The following ATP2C2 variants were observed in gnomAD, a reference collection of about 807,000 sequenced individuals.
ATP2C2 encodes ATPase secretory pathway Ca2+ transporting 2, also known as calcium-transporting ATPase type 2C member 2.
In ATP2C2, 171 loss-of-function variants were observed where a neutral mutation model predicts 110.8. The ratio of observed to expected loss-of-function variants is 1.54; its 90% CI spans 1.36 to 1.75. ATP2C2 has a LOEUF of 1.75. Among genes scored for constraint, ATP2C2 ranks in the 40% most tolerant of loss-of-function variants. The pLI is 0.00. For synonymous variants in ATP2C2, 804 were observed against 508.4 expected (o/e 1.58, Z -7.82); for missense variants, 1,963 against 1,235.0 (o/e 1.59, Z -8.84).
chr16:84,461,613 C>T (rs559412449), intron 24 of ATP2C2, 101 bp from the exon 25 acceptor site: 2 of 1,069,336 alleles, frequency 1.9e-6, no homozygotes, highest in South Asian at 1.3e-5. Context: ...AAGTGGCTCC[C>T]AGCCATGCCC....
chr16:84,400,825 T>A (rs112841612), intron 2 of ATP2C2, among the ~76,000 whole-genome samples: 125 of 152,364 alleles, frequency 8.2e-4, no homozygotes, highest in Middle Eastern at 3.4e-3. Context: ...TCACAGATGG[T>A]GAGCACCTTT....
At chr16:84,463,530 G>A in intron 26 of ATP2C2, 84 bp from the exon 27 acceptor site, 2 of 1,147,330 alleles carry the variant, frequency 1.7e-6, no homozygotes, top group Non-Finnish European at 1.3e-6. Context: ...CACTTTATCA[G>A]GAGGACTGGC....
At chr16:84,437,955 C>A (rs977886958) in intron 11 of ATP2C2, among the ~76,000 whole-genome samples, 3 of 151,236 alleles carry the variant, frequency 2.0e-5, no homozygotes, top group Non-Finnish European at 4.4e-5. Flanking sequence ...CTGAACATCC[C>A]TTATGAATGG....
At position 84,379,826 on chromosome 16, in the gene ATP2C2, C is replaced by G. The variant is rs1409845837; in HGVS notation, c.99+11112C>G. Among the ~76,000 whole-genome samples the G allele has an allele frequency of 2.0e-5, 3 of 152,152 alleles. No individual in the cohort carries two copies. The South Asian group carries it at 6.2e-4, about 32-fold the overall frequency. ...AAGGAAGATGTCTATCAAATAATTC[C>G]TCCAGTGAGTATATAATTACACACT... On this transcript the variant is annotated intron_variant, in intron 1 of 26. Transcript: ENST00000262429.
At chr16:84,404,789 C>G (rs914744703) in intron 2 of ATP2C2, 6 of 360,836 alleles carry the variant, frequency 1.7e-5, no homozygotes, top group Non-Finnish European at 3.2e-5. Context: ...AACAGCTGCA[C>G]CATTTTACAT....
chr16:84,387,027 C>T (rs1021328896), intron 1 of ATP2C2, among the ~76,000 whole-genome samples: 4 of 152,184 alleles, frequency 2.6e-5, no homozygotes, highest in Non-Finnish European at 5.9e-5. Context: ...TGTCGCCACT[C>T]ACCTGTGGGC....
chr16:84,450,284 A>G (rs750091940), intron 17 of ATP2C2, among the ~76,000 whole-genome samples: 10 of 152,142 alleles, frequency 6.6e-5, no homozygotes, highest in Non-Finnish European at 1.5e-4. Flanking sequence ...CTGGGATGTT[A>G]TTCCTCAGCA....
chr16:84,417,083 C>G (rs962025371), intron 7 of ATP2C2, among the ~76,000 whole-genome samples: 1 of 152,194 alleles, frequency 6.6e-6, no homozygotes, highest in Non-Finnish European at 1.5e-5. Context: ...TCATTCAAAG[C>G]CTTGTGAACC....
chr16:84,455,479 C>T (rs1418992307), intron 21 of ATP2C2, among the ~76,000 whole-genome samples: 2 of 152,200 alleles, frequency 1.3e-5, no homozygotes, highest in Admixed American at 6.5e-5. Context: ...TCGCTGACCA[C>T]GGAGGTGCTC....
chr16:84,442,471 C>G (rs763682888), intron 14 of ATP2C2, 39 bp from the exon 15 acceptor site: 2 of 1,599,884 alleles, frequency 1.3e-6, no homozygotes, highest in Non-Finnish European at 1.7e-6. Context: ...TTTCATGAGC[C>G]CAGTACTAAC....
At chr16:84,416,951 G>C (rs931174904) in intron 7 of ATP2C2, among the ~76,000 whole-genome samples, 5 of 152,122 alleles carry the variant, frequency 3.3e-5, no homozygotes, top group African/African-American at 1.2e-4. Context: ...CCAGATGCCA[G>C]GCAGCTTGTG....
Position 84,454,837 on chromosome 16 carries a change from C to G in ATP2C2, c.2000C>G (p.Ala667Gly), listed in dbSNP as rs372528749. 6.2e-7 allele frequency: 1 copy of G among 1,610,158 alleles called. No individual in the cohort carries two copies. The highest frequency in any genetic ancestry group is 1.1e-5 in the South Asian group (1 of 90,658). The change falls in exon 21 of 27, where the codon GCG becomes GGG. Residue 667 changes from alanine (A) to glycine (G), a missense_variant. By Grantham distance (60) the Ala-to-Gly change is moderately conservative. Transcript: ENST00000262429. ...CCAAAGGCTCTGCAGGAGTCAGGGG[C>G]GATCGTGGCCATGACTGGGGATGGG... Reference protein sequence around the residue: ...KIIKALQESGAIVAMTGDGVN... With the variant: ...KIIKALQESGGIVAMTGDGVN...
intron 4 of ATP2C2, 24 bp from the exon 5 acceptor site, chr16:84,410,543 AC>A (rs775751498): frequency 1.7e-5 from 28 of 1,612,980 alleles, no homozygotes; most frequent in Non-Finnish European, 2.4e-5. Context: ...TCTGGTACTG[AC>A]ACCCTCCTCC....
chr16:84,416,799 C>G (rs1318010261), intron 7 of ATP2C2, among the ~76,000 whole-genome samples: 1 of 152,188 alleles, frequency 6.6e-6, no homozygotes, highest in Non-Finnish European at 1.5e-5. Flanking sequence ...CAGCGTCTGA[C>G]CCCAAGTCTG....
chr16:84,460,562 A>C (rs62050916), intron 23 of ATP2C2, 92 bp from the exon 24 acceptor site: 4 of 1,579,048 alleles, frequency 2.5e-6, no homozygotes, highest in Non-Finnish European at 3.5e-6. Context: ...CCCTGTGCCA[A>C]CTTGGCCTGG....
At chr16:84,439,783 A>G (rs978247123) in intron 13 of ATP2C2, among the ~76,000 whole-genome samples, 2 of 152,218 alleles carry the variant, frequency 1.3e-5, no homozygotes, top group Admixed American at 1.3e-4. Flanking sequence ...AAAGCTAGAA[A>G]AAATCTTCCA....
rs1481038518 is a variant in ATP2C2 at position 84,453,338 on chromosome 16, G to C, written c.1947G>C (p.Arg649Ser). 1.2e-6 allele frequency: 2 copies of C among 1,614,146 alleles called. No individual in the cohort carries two copies. The highest frequency in any genetic ancestry group is 1.7e-6 in the Non-Finnish European group (2 of 1,180,020). ...GTGTCCAGGTGTCCGTGTTCTTCAG[G>C]ACCAGCCCAAAGCACAAGCTCAAAA... Reference protein sequence around the residue: ...DRVGKVSVFFRTSPKHKLKII... With the variant: ...DRVGKVSVFFSTSPKHKLKII... The change falls in exon 20 of 27, where the codon AGG becomes AGC. Residue 649 changes from arginine (R) to serine (S), a missense_variant. Coordinates refer to ENST00000262429, the MANE Select transcript of ATP2C2 (RefSeq NM_014861.4).
At chr16:84,405,066 A>G in intron 2 of ATP2C2, 62 bp from the exon 3 acceptor site, 1 of 1,365,076 alleles carries the variant, frequency 7.3e-7, no homozygotes, top group Non-Finnish European at 1.0e-6. Flanking sequence ...GGGAGTCTGT[A>G]CCCTGTTGCC....
chr16:84,448,947 G>C (rs1009417563), intron 17 of ATP2C2, among the ~76,000 whole-genome samples: 1 of 152,192 alleles, frequency 6.6e-6, no homozygotes, highest in African/African-American at 2.4e-5. Context: ...TAAGGCAGGT[G>C]AATGGGCTGC....
Sources: allele counts gnomAD v4.1 joint callset (sites outside exome capture counted in the v4.1 genomes callset), GRCh38; gene constraint gnomAD v4.1.1; transcripts MANE v1.5; gene names NCBI Gene and HGNC (gene_info 2026-07-23, HGNC 2026-07-21).